SLC14A2: variants seen among roughly 807,000 people sequenced by gnomAD.
SLC14A2 encodes the protein solute carrier family 14 member 2, also known as urea transporter 2.
In SLC14A2, 91 loss-of-function variants were observed where a neutral mutation model predicts 104.6. The observed-to-expected ratio is 0.87, with a 90% CI of 0.73 to 1.04. The LOEUF (loss-of-function observed/expected upper bound fraction) is 1.04. Ranked by LOEUF, SLC14A2 falls within the 50% of genes least tolerant of loss-of-function variation. SLC14A2 has a pLI of 0.00. For synonymous variants in SLC14A2, 476 were observed against 466.4 expected (o/e 1.02, Z -0.27); for missense variants, 1,189 against 1,156.0 (o/e 1.03, Z -0.41).
chr18:45,533,969 G>A (rs986049097), intron 2 of SLC14A2, among the ~76,000 whole-genome samples: 16 of 152,024 alleles, frequency 1.1e-4, no homozygotes, highest in Admixed American at 4.6e-4. Flanking sequence ...CCCAAATCAC[G>A]AAGAATGTAG....
chr18:45,402,962 T>C (rs1352587642), intron 1 of SLC14A2, among the ~76,000 whole-genome samples: 2 of 152,216 alleles, frequency 1.3e-5, no homozygotes, highest in African/African-American at 4.8e-5. Context: ...TTATTATTAG[T>C]AAGGCACTTC....
At chr18:45,607,462 T>C (rs4890556) in intron 2 of SLC14A2, among the ~76,000 whole-genome samples, 107,033 of 151,716 alleles carry the variant, frequency 0.71, 38,025 homozygotes, top group East Asian at 0.85. Flanking sequence ...ACCACATAGT[T>C]GGTACTCAGC....
intron 18 of SLC14A2, among the ~76,000 whole-genome samples, chr18:45,676,864 G>T (rs1227241781): frequency 6.6e-6 from 1 of 152,220 alleles, no homozygotes; most frequent in Non-Finnish European, 1.5e-5. Context: ...AGGTCTGCCT[G>T]ACTGTAAAAG....
chr18:45,442,548 A>C (rs149376162), intron 1 of SLC14A2, among the ~76,000 whole-genome samples: 1 of 152,174 alleles, frequency 6.6e-6, no homozygotes, highest in Non-Finnish European at 1.5e-5. Context: ...TTATTAAGAC[A>C]CAGGTTATGT....
intron 2 of SLC14A2, among the ~76,000 whole-genome samples, chr18:45,484,729 G>GTC (rs145658355): frequency 3.0e-4 from 45 of 150,110 alleles, no homozygotes; most frequent in South Asian, 2.1e-3. Flanking sequence ...CTAACTCACT[G>GTC]TCTCTCTCTC....
chr18:45,665,985 C>G, intron 11 of SLC14A2, 152 bp from the exon 12 acceptor site: 1 of 576,838 alleles, frequency 1.7e-6, no homozygotes, highest in Non-Finnish European at 3.1e-6. Context: ...AAAGAGCCTT[C>G]GAGCTGCAAG....
chr18:45,552,022 AC>A (rs1320744079), intron 2 of SLC14A2, among the ~76,000 whole-genome samples: 1 of 152,208 alleles, frequency 6.6e-6, no homozygotes, highest in African/African-American at 2.4e-5. Flanking sequence ...TTCTTAACAA[AC>A]CCTTCTATTT....
chr18:45,451,263 G>A (rs2705381), intron 1 of SLC14A2, among the ~76,000 whole-genome samples: 39,085 of 151,628 alleles, frequency 0.26, 5,269 homozygotes, highest in South Asian at 0.48. Context: ...AGAACTTGCT[G>A]AAAGCCTGTC....
chr18:45,224,191 C>T (rs961640670), intron 1 of SLC14A2, among the ~76,000 whole-genome samples: 5 of 152,234 alleles, frequency 3.3e-5, no homozygotes, highest in Admixed American at 3.3e-4. Flanking sequence ...CTAGAGCCCA[C>T]TGCCATGGCA....
intron 1 of SLC14A2, among the ~76,000 whole-genome samples, chr18:45,395,878 T>G (rs575423066): frequency 1.3e-5 from 2 of 152,198 alleles, no homozygotes; most frequent in African/African-American, 4.8e-5. Flanking sequence ...CTCACCCATA[T>G]AAACACTGGT....
chr18:45,343,111 T>A (rs2085412861), intron 1 of SLC14A2, among the ~76,000 whole-genome samples: 2 of 151,164 alleles, frequency 1.3e-5, no homozygotes, highest in Non-Finnish European at 2.9e-5. Flanking sequence ...GTTAGTCCTA[T>A]CCATGCTGCT....
At chr18:45,569,581 T>C (rs931406418) in intron 2 of SLC14A2, among the ~76,000 whole-genome samples, 1 of 152,238 alleles carries the variant, frequency 6.6e-6, no homozygotes, top group African/African-American at 2.4e-5. Flanking sequence ...AAATCAATAT[T>C]CTATGAAATA....
intron 2 of SLC14A2, among the ~76,000 whole-genome samples, chr18:45,539,308 C>T (rs777587034): frequency 2.6e-5 from 4 of 152,122 alleles, no homozygotes; most frequent in Non-Finnish European, 5.9e-5. Flanking sequence ...TCTCCCCTAC[C>T]CTGGGCTTAG....
intron 1 of SLC14A2, among the ~76,000 whole-genome samples, chr18:45,304,326 A>T (rs973187578): frequency 6.6e-6 from 1 of 152,192 alleles, no homozygotes; most frequent in African/African-American, 2.4e-5. Flanking sequence ...GGCATAGGGG[A>T]TGGAAATGGT....
chr18:45,518,304 G>T (rs1568254943), intron 2 of SLC14A2, among the ~76,000 whole-genome samples: 1 of 152,092 alleles, frequency 6.6e-6, no homozygotes, highest in East Asian at 1.9e-4. Flanking sequence ...TATGATTTTT[G>T]AATGACTAAT....
At chr18:45,667,218 T>C (rs1217624809) in intron 13 of SLC14A2, 124 bp downstream of exon 13, 5 of 698,364 alleles carry the variant, frequency 7.2e-6, no homozygotes, top group Non-Finnish European at 1.2e-5. Context: ...ACTCTGTTAC[T>C]GTGGTCTTTC....
At chr18:45,604,542 CTTATG>C (rs1320027669) in intron 2 of SLC14A2, among the ~76,000 whole-genome samples, 4 of 152,168 alleles carry the variant, frequency 2.6e-5, no homozygotes, top group Admixed American at 6.5e-5. Context: ...GGTCCACATT[CTTATG>C]TTATATCAGA....
chr18:45,475,648 TATATATATATATATATATA>T (rs2087354510), intron 1 of SLC14A2, among the ~76,000 whole-genome samples: 1 of 12,026 alleles, frequency 8.3e-5, no homozygotes, highest in Admixed American at 9.5e-4. Flanking sequence ...TTAGGATATA[TATATATATATATATATATA>T]TATATATATA....
At chr18:45,366,901 C>A (rs948613633) in intron 1 of SLC14A2, among the ~76,000 whole-genome samples, 3 of 152,174 alleles carry the variant, frequency 2.0e-5, no homozygotes, top group South Asian at 2.1e-4. Context: ...GGCCAAGTAA[C>A]GGACCTGTGA....
Sources: gnomAD v4.1 joint callset for allele counts (sites outside exome capture counted in the v4.1 genomes callset) on GRCh38, gnomAD v4.1.1 for gene constraint, MANE v1.5 for transcripts, NCBI Gene and HGNC (gene_info 2026-07-23, HGNC 2026-07-21) for gene names.